ZMAT4: variants seen among roughly 807,000 people sequenced by gnomAD.
ZMAT4 encodes zinc finger matrin-type 4.
Under a neutral mutation model 28.7 loss-of-function variants are expected in ZMAT4, and 17 were observed. That is an observed-to-expected ratio of 0.59 (90% confidence interval 0.41 to 0.89). ZMAT4 has a LOEUF of 0.89. Among genes scored for constraint, ZMAT4 ranks in the 40% least tolerant of loss-of-function variants. ZMAT4 has a pLI of 0.00. For synonymous variants in ZMAT4, 117 were observed against 109.2 expected (o/e 1.07, Z -0.44); for missense variants, 240 against 283.8 (o/e 0.85, Z 1.11).
Position 40,656,294 on chromosome 8 carries a change from T to C in ZMAT4, c.577+18410A>G, listed in dbSNP as rs145999458. Among the ~76,000 whole-genome samples the C allele has an allele frequency of 2.6e-3, 398 of 152,244 alleles. 2 individuals are homozygous for C. Among genetic ancestry groups the C allele is most frequent in the African/African-American group, 9.0e-3 (375 of 41,578 alleles). On this transcript the variant is annotated intron_variant, in intron 5 of 6. Coordinates refer to ENST00000297737, the MANE Select transcript of ZMAT4 (RefSeq NM_024645.3). ...TAGGCAGAATAAAGAAGGTAGATAATAAGTGTTGACAAAGATGTATACGAA... is the reference window on the plus strand; with the variant it reads ...TAGGCAGAATAAAGAAGGTAGATAACAAGTGTTGACAAAGATGTATACGAA...
intron 1 of ZMAT4, among the ~76,000 whole-genome samples, chr8:40,895,790 G>A (rs1044254439): frequency 1.3e-5 from 2 of 152,154 alleles, no homozygotes; most frequent in Admixed American, 1.3e-4. Flanking sequence ...GCATTTTCTG[G>A]TTTCCTTACT....
intron 2 of ZMAT4, among the ~76,000 whole-genome samples, chr8:40,792,122 T>C (rs534885671): frequency 6.6e-4 from 100 of 152,272 alleles, no homozygotes; most frequent in African/African-American, 2.3e-3. Flanking sequence ...TACAAAAAAA[T>C]CCTATGTTTC....
In ZMAT4 at chr8:40,579,278, A is replaced by G. The variant is rs138668016; in HGVS notation, c.674+1887T>C. On this transcript the variant is annotated intron_variant, in intron 6 of 6. Coordinates refer to ENST00000297737, the MANE Select transcript of ZMAT4 (RefSeq NM_024645.3). ...TTTCTATGTATTGAGTGATGAATAC[A>G]TGCTCCCAAAAAGTTATCTTTTATT... is the stretch of plus-strand genomic sequence containing the variant. Among the ~76,000 whole-genome samples the G allele has an allele frequency of 4.4e-3, 666 of 152,268 alleles. 4 individuals carry two copies. The highest frequency in any genetic ancestry group is 0.027 in the Middle Eastern group (8 of 294).
chr8:40,540,379 G>T (rs1802992600), intron 6 of ZMAT4, among the ~76,000 whole-genome samples: 1 of 152,038 alleles, frequency 6.6e-6, no homozygotes, highest in Non-Finnish European at 1.5e-5. Flanking sequence ...TTGTCTGCAA[G>T]CCTAAATTTT....
chr8:40,573,176 G>GC (rs1804153812), intron 6 of ZMAT4, among the ~76,000 whole-genome samples: 5 of 152,152 alleles, frequency 3.3e-5, no homozygotes, highest in Non-Finnish European at 7.4e-5. Flanking sequence ...ACCAGGGCAG[G>GC]CATTGTAAGC....
At chr8:40,737,335 AAGG>A (rs1403061142) in intron 3 of ZMAT4, among the ~76,000 whole-genome samples, 1 of 152,104 alleles carries the variant, frequency 6.6e-6, no homozygotes, top group Non-Finnish European at 1.5e-5. Flanking sequence ...CCCCCGATTT[AAGG>A]AGAAGAGGGA....
chr8:40,560,139 T>A (rs1186081379), intron 6 of ZMAT4, among the ~76,000 whole-genome samples: 1 of 151,894 alleles, frequency 6.6e-6, no homozygotes, highest in Non-Finnish European at 1.5e-5. Context: ...TAGCTCAAGC[T>A]AGTCACACAG....
At chr8:40,659,712 T>C (rs1406035726) in intron 5 of ZMAT4, among the ~76,000 whole-genome samples, 1 of 152,154 alleles carries the variant, frequency 6.6e-6, no homozygotes, top group Non-Finnish European at 1.5e-5. Context: ...TGGACTACAA[T>C]GCTAAAAGAG....
intron 1 of ZMAT4, among the ~76,000 whole-genome samples, chr8:40,887,795 T>C (rs916703242): frequency 2.0e-5 from 3 of 152,164 alleles, no homozygotes; most frequent in Non-Finnish European, 4.4e-5. Flanking sequence ...CTCACAGCCA[T>C]GTTATTGCAG....
chr8:40,634,422 G>C (rs1337861700), intron 5 of ZMAT4, among the ~76,000 whole-genome samples: 1 of 152,108 alleles, frequency 6.6e-6, no homozygotes, highest in Non-Finnish European at 1.5e-5. Flanking sequence ...AAGAGCTAGA[G>C]AGAAATATTT....
chr8:40,663,622 A>G (rs1320457003), intron 5 of ZMAT4, among the ~76,000 whole-genome samples: 1 of 152,226 alleles, frequency 6.6e-6, no homozygotes, highest in Non-Finnish European at 1.5e-5. Flanking sequence ...CCATTTAAGC[A>G]GTTTAATTAT....
chr8:40,558,755 G>A (rs1803629995), intron 6 of ZMAT4, among the ~76,000 whole-genome samples: 1 of 152,048 alleles, frequency 6.6e-6, no homozygotes, highest in East Asian at 1.9e-4. Flanking sequence ...CCAACTGACT[G>A]AACGGGCTCC....
At chr8:40,567,073 G>A (rs902633277) in intron 6 of ZMAT4, among the ~76,000 whole-genome samples, 2 of 152,094 alleles carry the variant, frequency 1.3e-5, no homozygotes, top group African/African-American at 4.8e-5. Context: ...TAGAAGGAAA[G>A]GCACTTACAT....
intron 5 of ZMAT4, among the ~76,000 whole-genome samples, chr8:40,582,510 T>C (rs1344291934): frequency 1.3e-5 from 2 of 152,136 alleles, no homozygotes; most frequent in African/African-American, 4.8e-5. Flanking sequence ...GTGACATATA[T>C]ATACAACAAT....
At chr8:40,718,333 C>G (rs1489367760) in intron 3 of ZMAT4, among the ~76,000 whole-genome samples, 1 of 152,138 alleles carries the variant, frequency 6.6e-6, no homozygotes, top group Non-Finnish European at 1.5e-5. Flanking sequence ...TTAGGTAGGC[C>G]TGGGTTAGAG....
intron 2 of ZMAT4, among the ~76,000 whole-genome samples, chr8:40,791,383 G>T (rs1814317191): frequency 6.6e-6 from 1 of 152,166 alleles, no homozygotes; most frequent in South Asian, 2.1e-4. Flanking sequence ...GAGGGTTATA[G>T]TTTGAAAACA....
chr8:40,564,061 A>C (rs2118480572), intron 6 of ZMAT4, among the ~76,000 whole-genome samples: 1 of 152,270 alleles, frequency 6.6e-6, no homozygotes, highest in African/African-American at 2.4e-5. Context: ...TTCTGAATAA[A>C]TATGATCATG....
At chr8:40,565,377 C>CTTTTTTTTTTTTTTTTTTTTTTTTTTT (rs66960843) in intron 6 of ZMAT4, among the ~76,000 whole-genome samples, 2 of 78,596 alleles carry the variant, frequency 2.5e-5, no homozygotes, top group Non-Finnish European at 5.0e-5. Context: ...GTGCCACCAT[C>CTTTTTTTTTTTTTTTTTTTTTTTTTTT]TTTTTTTTTT....
intron 3 of ZMAT4, among the ~76,000 whole-genome samples, chr8:40,731,862 T>C (rs1342676532): frequency 6.6e-6 from 1 of 152,238 alleles, no homozygotes; most frequent in Non-Finnish European, 1.5e-5. Flanking sequence ...AAATGTGATG[T>C]ATACATATAA....
Sources: allele counts gnomAD v4.1 joint callset (sites outside exome capture counted in the v4.1 genomes callset), GRCh38; gene constraint gnomAD v4.1.1; transcripts MANE v1.5; gene names NCBI Gene and HGNC (gene_info 2026-07-23, HGNC 2026-07-21).